Variants in GCGR observed in about 807,000 individuals in gnomAD.
GCGR encodes glucagon receptor.
In GCGR, 41 loss-of-function variants were observed where a neutral mutation model predicts 56.1. The observed-to-expected ratio is 0.73, with a 90% confidence interval of 0.57 to 0.95. The LOEUF is 0.95. Ranked by LOEUF, GCGR falls within the 40% of genes least tolerant of loss-of-function variation. GCGR has a pLI of 0.00. For synonymous variants in GCGR, 278 were observed against 271.1 expected (o/e 1.03, Z -0.25); for missense variants, 595 against 638.2 (o/e 0.93, Z 0.73).
rs550731385 is a variant in GCGR at position 81,812,975 on chromosome 17, C to T, written c.1176+30C>T. On this transcript the variant is annotated intron_variant, in intron 12 of 13. Coordinates refer to ENST00000400723, the MANE Select transcript of GCGR (RefSeq NM_000160.5). The surrounding 1 kb of genome is among the most constrained non-coding windows in gnomAD (Gnocchi z 8.5). ...CCGCCCGCCCGCCGGCTCCCCCGCCCGGGGCGCAGTGTGCCACCCCTGACC... is the reference window on the plus strand; with the variant it reads ...CCGCCCGCCCGCCGGCTCCCCCGCCTGGGGCGCAGTGTGCCACCCCTGACC... 62 of 1,536,066 alleles carry T rather than the reference C, an allele frequency of 4.0e-5. 1 individual carries two copies. In the South Asian group the frequency reaches 4.0e-4, roughly 10 times the overall value.
chr17:81,813,719 C>T lies in GCGR; in HGVS notation c.*30C>T. The T allele has an allele frequency of 6.6e-7, 1 of 1,525,588 alleles. No homozygotes were observed. The highest frequency in any genetic ancestry group is 8.8e-7 in the Non-Finnish European group (1 of 1,139,642). The allele number at this position is 1,525,588 out of a possible 1,614,324, so 94.5% of individuals were successfully genotyped here. ...TGCTGGGACCCCAGCTAGGGCTGGA[C>T]TCTGGCACCCAGAGGGCGTCGCTGG... is the stretch of plus-strand genomic sequence containing the variant. On this transcript the variant is annotated 3_prime_UTR_variant, in exon 14 of 14. Coordinates refer to ENST00000400723, the MANE Select transcript of GCGR (RefSeq NM_000160.5). The surrounding 1 kb of genome is among the most constrained non-coding windows in gnomAD (Gnocchi z 5.3).
rs1253464527 is a variant in GCGR at position 81,812,078 on chromosome 17, C to T, written c.879-105C>T. Reference sequence around the variant, plus strand: ...GGGTCATTTGTGACCTTCTCCCTTCCTTTTCTGAGACCCGAATTAGATCCT... The same window carrying T: ...GGGTCATTTGTGACCTTCTCCCTTCTTTTTCTGAGACCCGAATTAGATCCT... On this transcript the variant is annotated intron_variant, in intron 9 of 13. Coordinates refer to ENST00000400723, the MANE Select transcript of GCGR (RefSeq NM_000160.5). The surrounding 1 kb of genome is among the most constrained non-coding windows in gnomAD (Gnocchi z 8.5). 1 of 1,509,206 alleles carries T rather than the reference C, an allele frequency of 6.6e-7. No homozygotes were observed. The highest frequency in any genetic ancestry group is 8.9e-7 in the Non-Finnish European group (1 of 1,123,868). 93.5% of individuals were successfully genotyped at this position (1,509,206 alleles called of 1,614,324 possible). A position where few individuals can be genotyped will look rare whatever the true frequency, so the allele number is the denominator to read the frequency against.
rs3064374 is a variant in GCGR, at chr17:81,809,167, CCTGT to C, written c.60+93_60+96del. The C allele has an allele frequency of 2.4e-3, 3,348 of 1,367,006 alleles. 68 individuals are homozygous for C. In the African/African-American group the frequency reaches 0.044, roughly 18 times the overall value. The allele number at this position is 1,367,006 out of a possible 1,614,324, so 84.7% of individuals were successfully genotyped here. A position where few individuals can be genotyped will look rare whatever the true frequency, so the allele number is the denominator to read the frequency against. On this transcript the variant is annotated intron_variant, in intron 2 of 13. Transcript: ENST00000400723. The stretch of plus-strand genomic sequence containing the variant: ...CTCTGTCTGCCTGCCTGCCTGCCTG[CCTGT>C]CTGCCTGCCTGTCTGTCTGTCTGCC...
In GCGR at chr17:81,813,716, G is replaced by T; in HGVS notation, c.*27G>T. 6.5e-7 allele frequency: 1 copy of T among 1,527,754 alleles called. No homozygotes were observed. The allele number at this position is 1,527,754 out of a possible 1,614,324, so 94.6% of individuals were successfully genotyped here. On this transcript the variant is annotated 3_prime_UTR_variant, in exon 14 of 14. Transcript: ENST00000400723. The surrounding 1 kb of genome is among the most constrained non-coding windows in gnomAD (Gnocchi z 5.3). ...CCCTGCTGGGACCCCAGCTAGGGCT[G>T]GACTCTGGCACCCAGAGGGCGTCGC...
chr17:81,812,731 TG>T lies in GCGR; in HGVS notation c.1037+70del, dbSNP rs201674491. On this transcript the variant is annotated intron_variant, in intron 11 of 13. Transcript: ENST00000400723. This position sits in a 1 kb window ranked among gnomAD's most constrained non-coding sequence, Gnocchi z 8.5. ...CTCAGGGCCAGAGGGCAGCTGGGGGTGGGGACTCCAAGCTCCACGTGGATGG... is the reference window on the plus strand; with the variant it reads ...CTCAGGGCCAGAGGGCAGCTGGGGGTGGGACTCCAAGCTCCACGTGGATGG... 1,857 of 1,525,184 alleles carry T rather than the reference TG, an allele frequency of 1.2e-3. 26 individuals are homozygous for T. The African/African-American group carries it at 0.023, about 19-fold the overall frequency. 94.5% of individuals were successfully genotyped at this position (1,525,184 alleles called of 1,614,324 possible).
In GCGR at chr17:81,809,695, C is replaced by A. The variant is rs549526974; in HGVS notation, c.61-87C>A. On this transcript the variant is annotated intron_variant, in intron 2 of 13. Coordinates refer to ENST00000400723, the MANE Select transcript of GCGR (RefSeq NM_000160.5). The stretch of plus-strand genomic sequence containing the variant: ...TCTGTCCATCTGCCTATCCATCTAC[C>A]TGCCTGCCTGTCTGCCTGTCTGTCT... 117 of 1,024,484 alleles carry A rather than the reference C, an allele frequency of 1.1e-4. No individual in the cohort carries two copies. The African/African-American group carries it at 1.7e-3, about 15-fold the overall frequency. The allele number at this position is 1,024,484 out of a possible 1,614,324, so 63.5% of individuals were successfully genotyped here. A position where few individuals can be genotyped will look rare whatever the true frequency, so the allele number is the denominator to read the frequency against.
In GCGR at chr17:81,813,537, C is replaced by T. The variant is rs1171829126; in HGVS notation, c.1282C>T (p.Arg428Trp). 18 of 1,536,004 alleles carry T rather than the reference C, an allele frequency of 1.2e-5. No individual in the cohort carries two copies. The highest frequency in any genetic ancestry group is 1.4e-5 in the African/African-American group (1 of 72,996). ...CCTGGGCAAAGTGCTATGGGAGGAG[C>T]GGAACACCAGCAACCACAGGGCCTC... is the stretch of plus-strand genomic sequence containing the variant. ...WRLGKVLWEERNTSNHRASSS... is the reference protein window; with the variant it reads ...WRLGKVLWEEWNTSNHRASSS... The change falls in exon 14 of 14, where the codon CGG becomes TGG. Residue 428 changes from arginine to tryptophan, a missense_variant. By Grantham distance (101) the Arg-to-Trp change is moderately radical (BLOSUM62 -3). Coordinates refer to ENST00000400723, the MANE Select transcript of GCGR (RefSeq NM_000160.5). The surrounding 1 kb of genome is among the most constrained non-coding windows in gnomAD (Gnocchi z 5.3).
In GCGR at chr17:81,812,195, C is replaced by T. The variant is rs751338037; in HGVS notation, c.891C>T (p.Ser297=). 2.3e-5 allele frequency: 35 copies of T among 1,536,126 alleles called. No homozygotes were observed. Among genetic ancestry groups the T allele is most frequent in the Middle Eastern group, 1.7e-4 (1 of 5,764 alleles). Residue 297 remains serine, a synonymous_variant, in exon 10 of 14, where the codon AGC becomes AGT. Coordinates refer to ENST00000400723, the MANE Select transcript of GCGR (RefSeq NM_000160.5). This position sits in a 1 kb window ranked among gnomAD's most constrained non-coding sequence, Gnocchi z 8.5. ...CCTGGCCTCGCAGGTGCTGGACCAG[C>T]AATGACAACATGGGCTTCTGGTGGA... ...CLFENVQCWT[S]NDNMGFWWIL... is the part of the protein sequence containing the mutation.
chr17:81,813,856 T>G lies in GCGR; in HGVS notation c.*167T>G. 1 of 641,422 alleles carries G rather than the reference T, an allele frequency of 1.6e-6. No individual in the cohort carries two copies. Among genetic ancestry groups the G allele is most frequent in the Non-Finnish European group, 2.7e-6 (1 of 373,410 alleles). 39.7% of individuals were successfully genotyped at this position (641,422 alleles called of 1,614,324 possible). Reference sequence around the variant, plus strand: ...TCTGCGAGATTGGGCCTCCTCTCCCTGCACCTGCCTTGTCCCTGGTGCAGA... The same window carrying G: ...TCTGCGAGATTGGGCCTCCTCTCCCGGCACCTGCCTTGTCCCTGGTGCAGA... On this transcript the variant is annotated 3_prime_UTR_variant, in exon 14 of 14. Coordinates refer to ENST00000400723, the MANE Select transcript of GCGR (RefSeq NM_000160.5). This position sits in a 1 kb window ranked among gnomAD's most constrained non-coding sequence, Gnocchi z 5.3.
chr17:81,807,595 C>A (rs2037989258), intron 1 of GCGR, among the ~76,000 whole-genome samples: 1 of 152,266 alleles, frequency 6.6e-6, no homozygotes, highest in African/African-American at 2.4e-5. Flanking sequence ...CGGCTTCCCC[C>A]TGGCACTGCC....
rs762408955 is a variant in GCGR, at chr17:81,812,553, CT to C, written c.949-23del. 103 of 1,531,208 alleles carry C rather than the reference CT, an allele frequency of 6.7e-5. No homozygotes were observed. In the African/African-American group the frequency reaches 1.2e-3, roughly 18 times the overall value. The allele number at this position is 1,531,208 out of a possible 1,614,324, so 94.9% of individuals were successfully genotyped here. ...CTGTTCCCTGGGGCTCGGGATGCCC[CT>C]GACTCGCACCCTTCTCACACAGATC... On this transcript the variant is annotated intron_variant, in intron 10 of 13. Transcript: ENST00000400723. The surrounding 1 kb of genome is among the most constrained non-coding windows in gnomAD (Gnocchi z 8.5).
In GCGR at chr17:81,812,226, C is replaced by T. The variant is rs1209087661; in HGVS notation, c.922C>T (p.Arg308Trp). Residue 308 changes from arginine to tryptophan, a missense_variant, in exon 10 of 14, where the codon CGG becomes TGG. By Grantham distance (101) the Arg-to-Trp change is moderately radical (BLOSUM62 -3). Coordinates refer to ENST00000400723, the MANE Select transcript of GCGR (RefSeq NM_000160.5). This position sits in a 1 kb window ranked among gnomAD's most constrained non-coding sequence, Gnocchi z 8.5. Reference sequence around the variant, plus strand: ...CAACATGGGCTTCTGGTGGATCCTGCGGTTCCCCGTCTTCCTGGCCATCCT... The same window carrying T: ...CAACATGGGCTTCTGGTGGATCCTGTGGTTCCCCGTCTTCCTGGCCATCCT... ...NDNMGFWWIL[R>W]FPVFLAILIN... 2.0e-5 allele frequency: 31 copies of T among 1,535,798 alleles called. No homozygotes were observed. The East Asian group carries it at 3.4e-4, about 17-fold the overall frequency.
Position 81,813,057 on chromosome 17 carries a change from G to T in GCGR, c.1218G>T (p.Glu406Asp). The T allele has an allele frequency of 6.5e-7, 1 of 1,536,116 alleles. No individual in the cohort carries two copies. Among genetic ancestry groups the T allele is most frequent in the Non-Finnish European group, 8.7e-7 (1 of 1,146,826 alleles). ...TCCTCTACTGCTTCCTCAACAAGGA[G>T]GTAGGTGGGAGTGGGGGCATCTGAG... Reference protein sequence around the residue: ...VAVLYCFLNKEVQSELRRRWH... With the variant: ...VAVLYCFLNKDVQSELRRRWH... The change falls in exon 13 of 14, where the codon GAG becomes GAT. Residue 406 changes from glutamate (E) to aspartate (D), a missense_variant and splice_region_variant. Physicochemically the swap from Glu to Asp is conservative, Grantham distance 45. Coordinates refer to ENST00000400723, the MANE Select transcript of GCGR (RefSeq NM_000160.5). This position sits in a 1 kb window ranked among gnomAD's most constrained non-coding sequence, Gnocchi z 5.3.
At position 81,812,077 on chromosome 17, in the gene GCGR, C is replaced by A; in HGVS notation, c.879-106C>A. ...GGGGTCATTTGTGACCTTCTCCCTT[C>A]CTTTTCTGAGACCCGAATTAGATCC... On this transcript the variant is annotated intron_variant, in intron 9 of 13. Transcript: ENST00000400723. This position sits in a 1 kb window ranked among gnomAD's most constrained non-coding sequence, Gnocchi z 8.5. The A allele has an allele frequency of 6.6e-7, 1 of 1,509,504 alleles. No individual in the cohort carries two copies. The highest frequency in any genetic ancestry group is 2.0e-5 in the Admixed American group (1 of 50,830). The allele number at this position is 1,509,504 out of a possible 1,614,324, so 93.5% of individuals were successfully genotyped here. A position where few individuals can be genotyped will look rare whatever the true frequency, so the allele number is the denominator to read the frequency against.
Position 81,811,158 on chromosome 17 carries a change from G to T in GCGR, c.393+27G>T. The stretch of plus-strand genomic sequence containing the variant: ...TCAGTGGGCGGCAGGCAGGCGCGGT[G>T]GGGCTGGATGGGAACGGGCATGGGG... On this transcript the variant is annotated intron_variant, in intron 5 of 13. Coordinates refer to ENST00000400723, the MANE Select transcript of GCGR (RefSeq NM_000160.5). The surrounding 1 kb of genome is among the most constrained non-coding windows in gnomAD (Gnocchi z 5.8). 6.5e-7 allele frequency: 1 copy of T among 1,536,104 alleles called. No individual in the cohort carries two copies. Among genetic ancestry groups the T allele is most frequent in the Non-Finnish European group, 8.7e-7 (1 of 1,146,780 alleles).
chr17:81,811,031 A>G lies in GCGR; in HGVS notation c.293A>G (p.Lys98Arg), dbSNP rs1253073377. The G allele has an allele frequency of 1.3e-6, 2 of 1,536,020 alleles. No individual in the cohort carries two copies. The highest frequency in any genetic ancestry group is 1.7e-6 in the Non-Finnish European group (2 of 1,146,866). Residue 98 changes from lysine (K) to arginine (R), a missense_variant, in exon 5 of 14, where the codon AAG becomes AGG. By Grantham distance (26) the Lys-to-Arg change is conservative. Coordinates refer to ENST00000400723, the MANE Select transcript of GCGR (RefSeq NM_000160.5). This position sits in a 1 kb window ranked among gnomAD's most constrained non-coding sequence, Gnocchi z 5.8. ...HHKVQHRFVFKRCGPDGQWVR... is the reference protein window; with the variant it reads ...HHKVQHRFVFRRCGPDGQWVR... The stretch of plus-strand genomic sequence containing the variant: ...CCAGTGCAACACCGCTTCGTGTTCA[A>G]GAGATGCGGGCCCGACGGTCAGTGG...
chr17:81,807,979 C>T (rs1180850737), intron 1 of GCGR, among the ~76,000 whole-genome samples: 1 of 152,238 alleles, frequency 6.6e-6, no homozygotes, highest in East Asian at 1.9e-4. Context: ...CAAGTCGACG[C>T]CCGCAGTGCT....
intron 1 of GCGR, chr17:81,805,196 C>T (rs777450175): frequency 1.3e-5 from 2 of 152,302 alleles, no homozygotes; most frequent in African/African-American, 2.4e-5. Flanking sequence ...CTTCCTGGAC[C>T]AGTGGCCGCT....
chr17:81,812,133 C>T lies in GCGR; in HGVS notation c.879-50C>T, dbSNP rs767711283. On this transcript the variant is annotated intron_variant, in intron 9 of 13. Coordinates refer to ENST00000400723, the MANE Select transcript of GCGR (RefSeq NM_000160.5). The surrounding 1 kb of genome is among the most constrained non-coding windows in gnomAD (Gnocchi z 8.5). ...AAATCGGGACGGGGGTGCTGAGGGG[C>T]GGAGGGGCTGGGGGCTGTGCCCCAG... The T allele has an allele frequency of 6.2e-5, 91 of 1,459,584 alleles. No homozygotes were observed. The East Asian group carries it at 1.0e-3, about 17-fold the overall frequency. The allele number at this position is 1,459,584 out of a possible 1,614,324, so 90.4% of individuals were successfully genotyped here.
Sources: allele counts gnomAD v4.1 joint callset (sites outside exome capture counted in the v4.1 genomes callset), GRCh38; gene constraint gnomAD v4.1.1; non-coding constraint Gnocchi (gnomAD v3.1); transcripts MANE v1.5; gene names NCBI Gene and HGNC (gene_info 2026-07-23, HGNC 2026-07-21).